RANBP10: variants seen among roughly 807,000 people sequenced by gnomAD.
RANBP10 encodes ran-binding protein 10.
A neutral mutation model predicts 72.8 loss-of-function variants in RANBP10; 24 were observed. The ratio of observed to expected loss-of-function variants is 0.33; its 90% CI spans 0.24 to 0.46. The LOEUF (loss-of-function observed/expected upper bound fraction) is 0.46. Ranked by LOEUF, RANBP10 falls within the 20% of genes least tolerant of loss-of-function variation. RANBP10 has a pLI of 1.00. For synonymous variants in RANBP10, 310 were observed against 322.3 expected, an observed-to-expected ratio of 0.96 and a Z score of 0.41; for missense variants, 679 against 817.5, an observed-to-expected ratio of 0.83 and a Z score of 2.07.
chr16:67,799,554 C>A (rs141851686), intron 2 of RANBP10, among the ~76,000 whole-genome samples: 1 of 151,984 alleles, frequency 6.6e-6, no homozygotes, highest in South Asian at 2.1e-4. Context: ...CCCAAAGTGC[C>A]GGGAATACAG....
At chr16:67,777,508 C>A (rs991180515) in intron 2 of RANBP10, among the ~76,000 whole-genome samples, 1 of 152,064 alleles carries the variant, frequency 6.6e-6, no homozygotes, top group African/African-American at 2.4e-5. Flanking sequence ...TGCACTCCAG[C>A]CTGGGCGACA....
chr16:67,773,317 A>T (rs2054641004), intron 2 of RANBP10, among the ~76,000 whole-genome samples: 1 of 152,188 alleles, frequency 6.6e-6, no homozygotes, highest in Non-Finnish European at 1.5e-5. Flanking sequence ...CTATGACTGT[A>T]AGCTTCTCCA....
intron 3 of RANBP10, among the ~76,000 whole-genome samples, chr16:67,768,204 T>C (rs1047852838): frequency 6.6e-6 from 1 of 151,372 alleles, no homozygotes; most frequent in African/African-American, 2.4e-5. Flanking sequence ...CTGGGCAACA[T>C]GGCAAAACCC....
chr16:67,738,048 AG>A lies in RANBP10; in HGVS notation c.569-14del, dbSNP rs1567679037. ...GTGAAGGCTATACCTGTGGGGGGAA[AG>A]GAACAGTCATCAGGGCCAGCCCCTG... On this transcript the variant is annotated splice_polypyrimidine_tract_variant and intron_variant, in intron 4 of 13. Transcript: ENST00000317506. 1.3e-6 allele frequency: 2 copies of A among 1,586,926 alleles called. No homozygotes were observed. The highest frequency in any genetic ancestry group is 1.7e-6 in the Non-Finnish European group (2 of 1,165,348).
At position 67,725,983 on chromosome 16, in the gene RANBP10, T is replaced by C. The variant is rs2053590783; in HGVS notation, c.*445A>G. 6.6e-6 allele frequency: 1 copy of C among 152,646 alleles called. No individual in the cohort carries two copies. The highest frequency in any genetic ancestry group is 1.4e-5 in the Non-Finnish European group (1 of 69,270). 9.5% of individuals were successfully genotyped at this position (152,646 alleles called of 1,614,324 possible). A position where few individuals can be genotyped will look rare whatever the true frequency, so the allele number is the denominator to read the frequency against. ...TAATATATATATTTTTATATATATA[T>C]ATATAATCTCATTTGTTTTTTACTT... is the stretch of plus-strand genomic sequence containing the variant. On this transcript the variant is annotated 3_prime_UTR_variant, in exon 14 of 14. Coordinates refer to ENST00000317506, the MANE Select transcript of RANBP10 (RefSeq NM_020850.3).
In RANBP10 at chr16:67,723,218, A is replaced by C. The variant is rs1364255247; in HGVS notation, c.*3210T>G. 2 of 152,662 alleles carry C rather than the reference A, an allele frequency of 1.3e-5. No individual in the cohort carries two copies. Among genetic ancestry groups the C allele is most frequent in the African/African-American group, 2.4e-5 (1 of 41,450 alleles). 9.5% of individuals were successfully genotyped at this position (152,662 alleles called of 1,614,324 possible). ...ACCCACAAGTTTCATGCTAATGCCA[A>C]GTATCAACTCTTGAGGACAAAGGCA... is the stretch of plus-strand genomic sequence containing the variant. On this transcript the variant is annotated 3_prime_UTR_variant, in exon 14 of 14. Coordinates refer to ENST00000317506, the MANE Select transcript of RANBP10 (RefSeq NM_020850.3).
intron 2 of RANBP10, among the ~76,000 whole-genome samples, chr16:67,773,657 C>T (rs1452305615): frequency 6.6e-6 from 1 of 152,156 alleles, no homozygotes; most frequent in Non-Finnish European, 1.5e-5. Flanking sequence ...AGGAAACAAC[C>T]CAGCATATGG....
intron 2 of RANBP10, among the ~76,000 whole-genome samples, chr16:67,779,760 C>T (rs556826590): frequency 2.0e-5 from 3 of 152,234 alleles, no homozygotes; most frequent in African/African-American, 7.2e-5. Flanking sequence ...ATGCTGGGGA[C>T]ATAAGGGTGG....
At position 67,725,065 on chromosome 16, in the gene RANBP10, C is replaced by T. The variant is rs953832468; in HGVS notation, c.*1363G>A. On this transcript the variant is annotated 3_prime_UTR_variant, in exon 14 of 14. Transcript: ENST00000317506. Reference sequence around the variant, plus strand: ...CCTGATTCCCCAATGGTAGCGGGACCACTTTTACTCTGCCAGCTGTAAGGA... The same window carrying T: ...CCTGATTCCCCAATGGTAGCGGGACTACTTTTACTCTGCCAGCTGTAAGGA... 5 of 152,658 alleles carry T rather than the reference C, an allele frequency of 3.3e-5. No individual in the cohort carries two copies. The highest frequency in any genetic ancestry group is 6.5e-5 in the Admixed American group (1 of 15,276). 9.5% of individuals were successfully genotyped at this position (152,658 alleles called of 1,614,324 possible).
In RANBP10 at chr16:67,735,118, G is replaced by A. The variant is rs2053817077; in HGVS notation, c.592-76C>T. 4 of 1,369,128 alleles carry A rather than the reference G, an allele frequency of 2.9e-6. No homozygotes were observed. The Admixed American group carries it at 9.7e-5, about 33-fold the overall frequency. 84.8% of individuals were successfully genotyped at this position (1,369,128 alleles called of 1,614,324 possible). On this transcript the variant is annotated intron_variant, in intron 5 of 13. Coordinates refer to ENST00000317506, the MANE Select transcript of RANBP10 (RefSeq NM_020850.3). ...AAGGCCTCACCTCACCTCCATGGCTGCTGCTGGCCCATGCTTGGGCTGGGA... is the reference window on the plus strand; with the variant it reads ...AAGGCCTCACCTCACCTCCATGGCTACTGCTGGCCCATGCTTGGGCTGGGA...
intron 2 of RANBP10, among the ~76,000 whole-genome samples, chr16:67,787,378 A>G (rs189122552): frequency 5.1e-4 from 77 of 152,248 alleles, no homozygotes; most frequent in Admixed American, 1.9e-3. Flanking sequence ...GAAAGAAATA[A>G]AATAAATGTT....
chr16:67,802,517 A>G (rs1425679909), intron 2 of RANBP10, among the ~76,000 whole-genome samples: 9 of 152,326 alleles, frequency 5.9e-5, no homozygotes, highest in Non-Finnish European at 1.0e-4. Context: ...GTATGCCTGT[A>G]ATCCCAGCTA....
At chr16:67,771,022 G>A (rs1168423282) in intron 3 of RANBP10, among the ~76,000 whole-genome samples, 2 of 151,902 alleles carry the variant, frequency 1.3e-5, no homozygotes, top group African/African-American at 2.4e-5. Context: ...CAACACTTAG[G>A]GAGGCCAAGG....
chr16:67,793,740 C>T (rs1353697439), intron 2 of RANBP10, among the ~76,000 whole-genome samples: 1 of 152,148 alleles, frequency 6.6e-6, no homozygotes, highest in East Asian at 1.9e-4. Context: ...ATATTAAACC[C>T]CTTTCTACTG....
At chr16:67,741,432 G>A (rs147748255) in intron 4 of RANBP10, among the ~76,000 whole-genome samples, 12 of 152,326 alleles carry the variant, frequency 7.9e-5, no homozygotes, top group Middle Eastern at 3.4e-3. Context: ...GTTGGCCCAC[G>A]GGAAGAAGGT....
At chr16:67,772,663 G>A (rs2143012905) in intron 2 of RANBP10, among the ~76,000 whole-genome samples, 1 of 152,240 alleles carries the variant, frequency 6.6e-6, no homozygotes, top group South Asian at 2.1e-4. Context: ...AATGATGTGT[G>A]AGGCCCCCAG....
At chr16:67,753,237 G>A (rs993997201) in intron 3 of RANBP10, among the ~76,000 whole-genome samples, 5 of 151,446 alleles carry the variant, frequency 3.3e-5, no homozygotes, top group Non-Finnish European at 5.9e-5. Flanking sequence ...TGTGTGCAGC[G>A]GCTTATGCCT....
chr16:67,799,779 A>G (rs2055202353), intron 2 of RANBP10, among the ~76,000 whole-genome samples: 2 of 151,884 alleles, frequency 1.3e-5, no homozygotes, highest in African/African-American at 2.4e-5. Context: ...CGGTGGCCTG[A>G]CCCTTCGACA....
At chr16:67,773,712 G>C in intron 2 of RANBP10, among the ~76,000 whole-genome samples, 1 of 152,196 alleles carries the variant, frequency 6.6e-6, no homozygotes, top group East Asian at 1.9e-4. Flanking sequence ...AGGTAGAGAA[G>C]GGAAAGGAGC....
Sources: gnomAD v4.1 joint callset for allele counts (sites outside exome capture counted in the v4.1 genomes callset) on GRCh38, gnomAD v4.1.1 for gene constraint, MANE v1.5 for transcripts, NCBI Gene and HGNC (gene_info 2026-07-23, HGNC 2026-07-21) for gene names.